The following SYNE3 variants were observed in gnomAD, a reference collection of about 807,000 sequenced individuals.
SYNE3 encodes nesprin-3.
In SYNE3, 100 loss-of-function variants were observed where a neutral mutation model predicts 111.2. That is an observed-to-expected ratio of 0.90 (90% CI 0.77 to 1.06). SYNE3 has a LOEUF of 1.06. SYNE3 is among the 50% of genes least tolerant of loss of function. The probability of loss-of-function intolerance (pLI) is 0.00; values close to 1 mark genes in which losing one functional copy is unlikely to be tolerated. For synonymous variants in SYNE3, 547 were observed against 533.9 expected, an observed-to-expected ratio of 1.02 and a Z score of -0.34; for missense variants, 1,160 against 1,240.3, an observed-to-expected ratio of 0.94 and a Z score of 0.97.
rs114779084 is a variant in SYNE3 at position 95,428,850 on chromosome 14, C to T, written c.2727+3229G>A. Among the ~76,000 whole-genome samples the T allele has an allele frequency of 6.2e-3, 937 of 152,286 alleles. 11 individuals are homozygous for T. The highest frequency in any genetic ancestry group is 0.022 in the African/African-American group (895 of 41,562). On this transcript the variant is annotated intron_variant, in intron 17 of 17. Transcript: ENST00000682763. ...CAAACAAGCAGGCTGAAGCCACTGA[C>T]GTAGCTGGGGCTTTCAATGACTTGG...
At chr14:95,489,478 C>A (rs1889730824) in intron 1 of SYNE3, among the ~76,000 whole-genome samples, 1 of 152,234 alleles carries the variant, frequency 6.6e-6, no homozygotes. Flanking sequence ...ACAGCCCTTG[C>A]CTATTTTGAT....
intron 8 of SYNE3, chr14:95,449,437 T>C (rs898086025): frequency 3.0e-6 from 3 of 985,290 alleles, no homozygotes; most frequent in South Asian, 4.7e-5. Flanking sequence ...TTGTTGTTCA[T>C]GGGAGATGCA....
At position 95,456,770 on chromosome 14, in the gene SYNE3, A is replaced by G. The variant is rs1887467565; in HGVS notation, c.789+407T>C. On this transcript the variant is annotated intron_variant, in intron 5 of 17. Coordinates refer to ENST00000682763, the MANE Select transcript of SYNE3 (RefSeq NM_152592.6). ...GGGTTCTTATATATTCTGTGGCACCAAGCACTGTCCTATTAAAGAAACTAT... is the reference window on the plus strand; with the variant it reads ...GGGTTCTTATATATTCTGTGGCACCGAGCACTGTCCTATTAAAGAAACTAT... Among the ~76,000 whole-genome samples the G allele has an allele frequency of 2.6e-5, 4 of 152,138 alleles. No individual in the cohort carries two copies. In the South Asian group the frequency reaches 8.3e-4, roughly 32 times the overall value.
chr14:95,455,154 G>GA (rs1887332687), intron 6 of SYNE3, among the ~76,000 whole-genome samples: 1 of 152,114 alleles, frequency 6.6e-6, no homozygotes, highest in East Asian at 1.9e-4. Context: ...GGATGTTGGG[G>GA]AAAAAAGTCT....
chr14:95,449,675 C>A (rs1388027413), intron 8 of SYNE3: 1 of 985,192 alleles, frequency 1.0e-6, no homozygotes, highest in Non-Finnish European at 1.2e-6. Context: ...ATGCCTCCAC[C>A]TGGGAGATGC....
chr14:95,454,659 G>A (rs775512036), intron 6 of SYNE3, among the ~76,000 whole-genome samples: 2 of 152,254 alleles, frequency 1.3e-5, no homozygotes, highest in Non-Finnish European at 2.9e-5. Context: ...TTTTGCGTAT[G>A]AGCAGAGATT....
In SYNE3 at chr14:95,439,609, C is replaced by T. The variant is rs2139391658; in HGVS notation, c.2246+3G>A. On this transcript the variant is annotated splice_donor_region_variant and intron_variant, in intron 13 of 17. Coordinates refer to ENST00000682763, the MANE Select transcript of SYNE3 (RefSeq NM_152592.6). ...ACGCTCAGAGCCTAGGAGGCACTCT[C>T]ACCTCAGCAGACTTTCTTCCAGCAG... 6.2e-7 allele frequency: 1 copy of T among 1,607,830 alleles called. No homozygotes were observed. The highest frequency in any genetic ancestry group is 8.5e-7 in the Non-Finnish European group (1 of 1,179,988).
At chr14:95,428,845 A>G (rs1026796261) in intron 17 of SYNE3, among the ~76,000 whole-genome samples, 24 of 152,264 alleles carry the variant, frequency 1.6e-4, no homozygotes, top group Non-Finnish European at 2.9e-4. Context: ...GGCTGAAGCC[A>G]CTGACGTAGC....
rs1474610621 is a variant in SYNE3 at position 95,410,929 on chromosome 14, CA to C, written c.*6896del. 3 of 152,334 alleles carry C rather than the reference CA, an allele frequency of 2.0e-5. No homozygotes were observed. The highest frequency in any genetic ancestry group is 7.2e-5 in the African/African-American group (3 of 41,446). The allele number at this position is 152,334 out of a possible 1,614,324, so 9.4% of individuals were successfully genotyped here. On this transcript the variant is annotated 3_prime_UTR_variant, in exon 18 of 18. Transcript: ENST00000682763. ...GGACCAATGTCACACAGCCCATCAG[CA>C]GCAGAGTTCCAACTCAACCCTGTCT...
At chr14:95,495,508 G>T (rs6575516) in intron 1 of SYNE3, among the ~76,000 whole-genome samples, 98,326 of 151,638 alleles carry the variant, frequency 0.65, 32,457 homozygotes, top group African/African-American at 0.78. Flanking sequence ...AGTTCCCATG[G>T]GTGAGGCCTG....
chr14:95,409,344 C>G lies in SYNE3; in HGVS notation c.*8482G>C, dbSNP rs970549260. 2.2e-6 allele frequency: 1 copy of G among 456,630 alleles called. No homozygotes were observed. Among genetic ancestry groups the G allele is most frequent in the South Asian group, 1.5e-5 (1 of 64,570 alleles). 28.3% of individuals were successfully genotyped at this position (456,630 alleles called of 1,614,324 possible). The stretch of plus-strand genomic sequence containing the variant: ...GCGCTCGGGGTATGTTTTCTTCCCT[C>G]CCTTTCTCATCAGAACAGGAAGAGG... On this transcript the variant is annotated 3_prime_UTR_variant, in exon 18 of 18. Coordinates refer to ENST00000682763, the MANE Select transcript of SYNE3 (RefSeq NM_152592.6).
chr14:95,489,955 G>A (rs1329661298), intron 1 of SYNE3, among the ~76,000 whole-genome samples: 3 of 152,218 alleles, frequency 2.0e-5, no homozygotes, highest in Admixed American at 6.5e-5. Flanking sequence ...TCTGGAATGG[G>A]GTTAGGAGTC....
At chr14:95,496,274 G>T (rs1890088044) in intron 1 of SYNE3, among the ~76,000 whole-genome samples, 1 of 152,210 alleles carries the variant, frequency 6.6e-6, no homozygotes, top group Admixed American at 6.5e-5. Context: ...AGAGCATCCT[G>T]CCCTGACAAA....
At position 95,408,735 on chromosome 14, in the gene SYNE3, T is replaced by C; in HGVS notation, c.*9091A>G. ...CCACCCCTTCACATGCACACACAGC[T>C]TCCTCTGTCCGCTTCCTCCTCCCCA... On this transcript the variant is annotated 3_prime_UTR_variant, in exon 18 of 18. Coordinates refer to ENST00000682763, the MANE Select transcript of SYNE3 (RefSeq NM_152592.6). 6.8e-6 allele frequency: 1 copy of C among 147,038 alleles called. No individual in the cohort carries two copies. Among genetic ancestry groups the C allele is most frequent in the Non-Finnish European group, 1.3e-5 (1 of 79,722 alleles). The allele number at this position is 147,038 out of a possible 1,614,324, so 9.1% of individuals were successfully genotyped here. A position where few individuals can be genotyped will look rare whatever the true frequency, so the allele number is the denominator to read the frequency against.
chr14:95,484,228 A>T (rs1270533188), intron 1 of SYNE3, among the ~76,000 whole-genome samples: 1 of 152,042 alleles, frequency 6.6e-6, no homozygotes, highest in Non-Finnish European at 1.5e-5. Flanking sequence ...GAGGGGGCAG[A>T]GTGTATGCAA....
rs1384749480 is a variant in SYNE3 at position 95,437,113 on chromosome 14, G to T, written c.2377-132C>A. 4.0e-6 allele frequency: 4 copies of T among 999,170 alleles called. No homozygotes were observed. In the East Asian group the frequency reaches 1.0e-4, roughly 25 times the overall value. The allele number at this position is 999,170 out of a possible 1,614,324, so 61.9% of individuals were successfully genotyped here. A position where few individuals can be genotyped will look rare whatever the true frequency, so the allele number is the denominator to read the frequency against. Reference sequence around the variant, plus strand: ...CCAAAATGGCGACGGGAGAGGCCTGGGGGATGAACAATGAATCTCTACTCA... The same window carrying T: ...CCAAAATGGCGACGGGAGAGGCCTGTGGGATGAACAATGAATCTCTACTCA... On this transcript the variant is annotated intron_variant, in intron 14 of 17. Transcript: ENST00000682763.
At chr14:95,481,966 T>C (rs1166164401) in intron 1 of SYNE3, among the ~76,000 whole-genome samples, 2 of 152,072 alleles carry the variant, frequency 1.3e-5, no homozygotes, top group Non-Finnish European at 2.9e-5. Flanking sequence ...TGTCCTGGGG[T>C]CGCTGGGTCC....
intron 2 of SYNE3, among the ~76,000 whole-genome samples, chr14:95,474,857 AC>A (rs1888782920): frequency 6.6e-6 from 1 of 152,138 alleles, no homozygotes; most frequent in Non-Finnish European, 1.5e-5. Flanking sequence ...GCAGCACCCC[AC>A]CCCACACTAA....
chr14:95,428,009 AC>A (rs1404038211), intron 17 of SYNE3, among the ~76,000 whole-genome samples: 1 of 152,258 alleles, frequency 6.6e-6, no homozygotes, highest in East Asian at 1.9e-4. Flanking sequence ...TATTTTACAA[AC>A]CGCTAAGAAA....
Sources: allele counts gnomAD v4.1 joint callset (sites outside exome capture counted in the v4.1 genomes callset), GRCh38; gene constraint gnomAD v4.1.1; transcripts MANE v1.5; gene names NCBI Gene and HGNC (gene_info 2026-07-23, HGNC 2026-07-21).